Variants in RANBP9 observed in about 807,000 individuals in gnomAD.
RANBP9 encodes RAN binding protein 9.
In RANBP9, 15 loss-of-function variants were observed where a neutral mutation model predicts 84.3. The ratio of observed to expected loss-of-function variants is 0.18; its 90% CI spans 0.12 to 0.27. The LOEUF (loss-of-function observed/expected upper bound fraction) is 0.27. RANBP9 is among the 10% of genes least tolerant of loss of function. RANBP9 has a pLI of 1.00. For missense variants in RANBP9, 809 were observed against 912.8 expected (o/e 0.89, Z 1.46); for synonymous variants, 392 against 349.6 (o/e 1.12, Z -1.35).
chr6:13,651,678 G>A (rs2127768649), intron 5 of RANBP9, among the ~76,000 whole-genome samples: 1 of 152,080 alleles, frequency 6.6e-6, no homozygotes, highest in South Asian at 2.1e-4. Flanking sequence ...GGGATTACAG[G>A]TGTGAGCCAC....
At chr6:13,639,814 C>G in intron 8 of RANBP9, 61 bp from the exon 9 acceptor site, 1 of 1,332,202 alleles carries the variant, frequency 7.5e-7, no homozygotes, top group Non-Finnish European at 1.0e-6. Context: ...TATTTAATAG[C>G]AACAGATTTC....
chr6:13,649,390 A>G (rs1765243257), intron 5 of RANBP9, among the ~76,000 whole-genome samples: 1 of 151,200 alleles, frequency 6.6e-6, no homozygotes, highest in South Asian at 2.1e-4. Flanking sequence ...GATCTCCGCT[A>G]TCTATGAACA....
At chr6:13,686,550 G>C (rs187209224) in intron 2 of RANBP9, among the ~76,000 whole-genome samples, 88 of 152,052 alleles carry the variant, frequency 5.8e-4, no homozygotes, top group African/African-American at 2.0e-3. Flanking sequence ...CTCCCAAAGT[G>C]CCGGGATTAC....
At chr6:13,661,056 T>C (rs756055770) in intron 2 of RANBP9, among the ~76,000 whole-genome samples, 3 of 152,196 alleles carry the variant, frequency 2.0e-5, no homozygotes, top group Non-Finnish European at 4.4e-5. Context: ...AAGAGGAGTA[T>C]TAGCTATGCT....
intron 1 of RANBP9, among the ~76,000 whole-genome samples, chr6:13,700,446 C>A (rs536940161): frequency 6.6e-6 from 1 of 151,996 alleles, no homozygotes; most frequent in East Asian, 1.9e-4. Flanking sequence ...TCAGGCCAGT[C>A]TGTAAACATG....
chr6:13,677,445 C>A (rs149552570), intron 2 of RANBP9, among the ~76,000 whole-genome samples: 2,868 of 152,192 alleles, frequency 0.019, 52 homozygotes, highest in Non-Finnish European at 0.034. Context: ...ATATAAGTTA[C>A]TGACACAGTA....
chr6:13,658,705 A>G (rs1765465995), intron 3 of RANBP9, 75 bp downstream of exon 3: 1 of 1,203,828 alleles, frequency 8.3e-7, no homozygotes, highest in South Asian at 1.3e-5. Context: ...TAAATATTAC[A>G]ATTTCTTACT....
chr6:13,639,859 G>T, intron 8 of RANBP9, 106 bp from the exon 9 acceptor site: 1 of 977,984 alleles, frequency 1.0e-6, no homozygotes, highest in Non-Finnish European at 1.5e-6. Flanking sequence ...TTATCAGTAG[G>T]ATTGGTCTTT....
chr6:13,641,331 G>T lies in RANBP9; in HGVS notation c.1226-24C>A, dbSNP rs182716679. On this transcript the variant is annotated intron_variant, in intron 7 of 13. Coordinates refer to ENST00000011619, the MANE Select transcript of RANBP9 (RefSeq NM_005493.3). ...TCCTATTCAGTAAAAGAAAGCAAAC[G>T]ATTAACTTTTACAAAAGTAGATAAA... 3.1e-5 allele frequency: 45 copies of T among 1,437,510 alleles called. No individual in the cohort carries two copies. The East Asian group carries it at 9.2e-4, about 29-fold the overall frequency. 89.0% of individuals were successfully genotyped at this position (1,437,510 alleles called of 1,614,324 possible). A position where few individuals can be genotyped will look rare whatever the true frequency, so the allele number is the denominator to read the frequency against.
intron 5 of RANBP9, 31 bp from the exon 6 acceptor site, chr6:13,644,760 A>G: frequency 6.9e-7 from 1 of 1,454,264 alleles, no homozygotes; most frequent in Non-Finnish European, 9.3e-7. Flanking sequence ...TTAAACATCT[A>G]TCCATTTTAT....
chr6:13,707,046 TA>T (rs1421929725), intron 1 of RANBP9, among the ~76,000 whole-genome samples: 3 of 151,872 alleles, frequency 2.0e-5, no homozygotes, highest in African/African-American at 7.3e-5. Flanking sequence ...TTTATTTACT[TA>T]TTTTTTTTTT....
intron 5 of RANBP9, among the ~76,000 whole-genome samples, chr6:13,649,417 C>G (rs999053668): frequency 7.5e-6 from 1 of 133,136 alleles, no homozygotes; most frequent in African/African-American, 2.8e-5. Flanking sequence ...CGAAAGCTAA[C>G]AACAACAAAA....
intron 10 of RANBP9, among the ~76,000 whole-genome samples, 194 bp from the exon 11 acceptor site, chr6:13,634,746 C>T (rs909934861): frequency 6.6e-6 from 1 of 152,072 alleles, no homozygotes; most frequent in Admixed American, 6.5e-5. Context: ...CAAATTTGTA[C>T]CCCCGGAGGT....
At chr6:13,625,888 C>A in intron 12 of RANBP9, 124 bp from the exon 13 acceptor site, 2 of 611,358 alleles carry the variant, frequency 3.3e-6, no homozygotes, top group Admixed American at 2.4e-5. Flanking sequence ...ACTTTAAACC[C>A]ATTTACTCCC....
rs557731412 is a variant in RANBP9, at chr6:13,699,291, T to G, written c.572-2395A>C. On this transcript the variant is annotated intron_variant, in intron 1 of 13. Transcript: ENST00000011619. Reference sequence around the variant, plus strand: ...ATTATATTTGTTAGGATTCACTAATTGCAGATAAATTCTGTAAATATTAAA... The same window carrying G: ...ATTATATTTGTTAGGATTCACTAATGGCAGATAAATTCTGTAAATATTAAA... Among the ~76,000 whole-genome samples the G allele has an allele frequency of 3.3e-5, 5 of 152,328 alleles. No homozygotes were observed. In the South Asian group the frequency reaches 1.0e-3, roughly 32 times the overall value.
chr6:13,684,953 A>G (rs1573702), intron 2 of RANBP9, among the ~76,000 whole-genome samples: 61,404 of 151,940 alleles, frequency 0.4, 12,910 homozygotes, highest in Admixed American at 0.51. Context: ...TATCCCACCT[A>G]CTGGGCAAAG....
rs1000767946 is a variant in RANBP9, at chr6:13,644,811, T to A, written c.928-82A>T. Reference sequence around the variant, plus strand: ...TCTTTTAATGTTACATTTAAAAGAATAGAACTATAAATTTACTTCATATTT... The same window carrying A: ...TCTTTTAATGTTACATTTAAAAGAAAAGAACTATAAATTTACTTCATATTT... On this transcript the variant is annotated intron_variant, in intron 5 of 13. Coordinates refer to ENST00000011619, the MANE Select transcript of RANBP9 (RefSeq NM_005493.3). 21 of 1,135,542 alleles carry A rather than the reference T, an allele frequency of 1.8e-5. 1 individual carries two copies. In the South Asian group the frequency reaches 4.7e-4, roughly 25 times the overall value. 70.3% of individuals were successfully genotyped at this position (1,135,542 alleles called of 1,614,324 possible). A position where few individuals can be genotyped will look rare whatever the true frequency, so the allele number is the denominator to read the frequency against.
intron 12 of RANBP9, among the ~76,000 whole-genome samples, chr6:13,627,529 C>G (rs1204109532): frequency 6.7e-6 from 1 of 149,274 alleles, no homozygotes; most frequent in Non-Finnish European, 1.5e-5. Flanking sequence ...ACTCGGGAGG[C>G]TGAGGCAGGA....
chr6:13,691,674 G>A (rs1293804107), intron 2 of RANBP9, among the ~76,000 whole-genome samples: 1 of 151,764 alleles, frequency 6.6e-6, no homozygotes, highest in Non-Finnish European at 1.5e-5. Context: ...TTGTATGTTT[G>A]TTTGTTTTTG....
Sources: allele counts gnomAD v4.1 joint callset (sites outside exome capture counted in the v4.1 genomes callset), GRCh38; gene constraint gnomAD v4.1.1; transcripts MANE v1.5; gene names NCBI Gene and HGNC (gene_info 2026-07-23, HGNC 2026-07-21).